ZNF670: variants seen among roughly 807,000 people sequenced by gnomAD.
ZNF670 encodes the protein zinc finger protein 670.
ZNF670 carries 7 observed loss-of-function variants against 10.9 expected under a neutral mutation model. The ratio of observed to expected loss-of-function variants is 0.64; its 90% CI spans 0.36 to 1.20. The LOEUF is 1.20. Among genes scored for constraint, ZNF670 ranks in the 50% most tolerant of loss-of-function variants. The probability of loss-of-function intolerance (pLI) is 0.02; values close to 1 mark genes in which losing one functional copy is unlikely to be tolerated. For synonymous variants in ZNF670, 136 were observed against 152.7 expected (o/e 0.89, Z 0.81); for missense variants, 446 against 458.6 (o/e 0.97, Z 0.25).
chr1:247,074,621 G>A (rs1385876854), intron 1 of ZNF670, among the ~76,000 whole-genome samples: 1 of 152,080 alleles, frequency 6.6e-6, no homozygotes, highest in Non-Finnish European at 1.5e-5. Flanking sequence ...ATGGATGGTG[G>A]GGATAGTTTT....
chr1:247,058,325 A>G (rs1017783703), intron 1 of ZNF670, among the ~76,000 whole-genome samples: 4 of 152,242 alleles, frequency 2.6e-5, no homozygotes, highest in Admixed American at 2.6e-4. Flanking sequence ...AATACTTCAA[A>G]GGAAATTAAA....
intron 1 of ZNF670, among the ~76,000 whole-genome samples, chr1:247,072,298 G>A (rs1415730186): frequency 2.0e-5 from 3 of 148,958 alleles, no homozygotes; most frequent in South Asian, 2.1e-4. Context: ...CCACAGCTCC[G>A]CACTGCCATG....
intron 1 of ZNF670, among the ~76,000 whole-genome samples, chr1:247,047,771 T>C (rs1397334264): frequency 6.6e-6 from 1 of 152,194 alleles, no homozygotes; most frequent in East Asian, 1.9e-4. Context: ...TGCCAAGACT[T>C]GGGGCTTGAA....
chr1:247,063,482 C>G (rs1370050403), intron 1 of ZNF670, among the ~76,000 whole-genome samples: 2 of 148,784 alleles, frequency 1.3e-5, no homozygotes, highest in Non-Finnish European at 3.0e-5. Context: ...ACTTGGGAGG[C>G]TGAGGCAGGA....
Position 247,039,961 on chromosome 1 carries a change from A to G in ZNF670, c.4-424T>C, listed in dbSNP as rs552976747. Among the ~76,000 whole-genome samples the G allele has an allele frequency of 5.3e-5, 8 of 152,344 alleles. No homozygotes were observed. In the East Asian group the frequency reaches 1.3e-3, roughly 26 times the overall value. ...AAGTCTGACCTTTTGGTGTGAGAAA[A>G]TAGATTTTTTTGACGGATCTCATCA... On this transcript the variant is annotated intron_variant, in intron 1 of 3. Transcript: ENST00000366503.
intron 1 of ZNF670, among the ~76,000 whole-genome samples, chr1:247,061,395 C>G (rs1237520353): frequency 1.3e-5 from 2 of 151,966 alleles, no homozygotes; most frequent in African/African-American, 4.8e-5. Flanking sequence ...CTTGGCCAGG[C>G]TAGTCTTGAA....
rs940517715 is a variant in ZNF670 at position 247,035,563 on chromosome 1, C to G, written c.*1886G>C. ...TATAATGCCATAATCCTGTAATATA[C>G]AATTTATTGTAGTGCTAATTACACA... On this transcript the variant is annotated 3_prime_UTR_variant, in exon 4 of 4. Coordinates refer to ENST00000366503, the MANE Select transcript of ZNF670 (RefSeq NM_033213.5). Among the ~76,000 whole-genome samples, 1 of 152,102 alleles carries G rather than the reference C, an allele frequency of 6.6e-6. No homozygotes were observed. Among genetic ancestry groups the G allele is most frequent in the Non-Finnish European group, 1.5e-5 (1 of 68,026 alleles).
chr1:247,059,754 T>G (rs1045790259), intron 1 of ZNF670, among the ~76,000 whole-genome samples: 1 of 152,170 alleles, frequency 6.6e-6, no homozygotes, highest in African/African-American at 2.4e-5. Flanking sequence ...TGACTGTCTA[T>G]GTACAAAATC....
intron 1 of ZNF670, among the ~76,000 whole-genome samples, chr1:247,072,774 C>G (rs185138444): frequency 2.7e-5 from 3 of 111,132 alleles, no homozygotes; most frequent in Non-Finnish European, 3.6e-5. Flanking sequence ...GCGACAAGAA[C>G]GAAACTCTGT....
intron 1 of ZNF670, among the ~76,000 whole-genome samples, chr1:247,056,246 G>C (rs536386838): frequency 6.6e-6 from 1 of 152,160 alleles, no homozygotes; most frequent in Admixed American, 6.5e-5. Context: ...ATCAGAACAT[G>C]AATCATTCTC....
intron 1 of ZNF670, among the ~76,000 whole-genome samples, chr1:247,046,816 A>G (rs1359555916): frequency 6.6e-6 from 1 of 152,212 alleles, no homozygotes; most frequent in Admixed American, 6.5e-5. Context: ...TGACTCTAGT[A>G]TGTCAGAAGT....
intron 1 of ZNF670, among the ~76,000 whole-genome samples, chr1:247,063,577 C>CAAAAA (rs5782410): frequency 2.1e-5 from 2 of 93,246 alleles, no homozygotes; most frequent in Non-Finnish European, 4.2e-5. Flanking sequence ...AGCGAGACAC[C>CAAAAA]AAAAAAAAAA....
intron 1 of ZNF670, among the ~76,000 whole-genome samples, chr1:247,042,009 G>A (rs1292014200): frequency 6.6e-6 from 1 of 152,140 alleles, no homozygotes. Flanking sequence ...ATGACTGTAG[G>A]AGGCCCAGTT....
chr1:247,075,674 C>T lies in ZNF670; in HGVS notation c.3+2920G>A, dbSNP rs185489136. ...TCTGCCTGCAGCCATCCGCGTAAGA[C>T]GTGACTTGCTCCTTGTTGCCTTCCG... On this transcript the variant is annotated intron_variant, in intron 1 of 3. Transcript: ENST00000366503. Among the ~76,000 whole-genome samples, 410 of 152,322 alleles carry T rather than the reference C, an allele frequency of 2.7e-3. 1 individual carries two copies. Among genetic ancestry groups the T allele is most frequent in the Non-Finnish European group, 4.7e-3 (323 of 68,036 alleles).
Position 247,038,316 on chromosome 1 carries a change from C to T in ZNF670, c.303G>A (p.Lys101=), listed in dbSNP as rs572419641. The change falls in exon 4 of 4, where the codon AAG becomes AAA. Residue 101 remains lysine, a synonymous_variant. Transcript: ENST00000366503. ...TTCCACACACACTGCATTCACATGG[C>T]TTTACTCCAGTAGAAACTTTCTTAT... is the stretch of plus-strand genomic sequence containing the variant. ...NLNKKVSTGV[K]PCECSVCGKV... 2 of 1,614,188 alleles carry T rather than the reference C, an allele frequency of 1.2e-6. No individual in the cohort carries two copies. Among genetic ancestry groups the T allele is most frequent in the African/African-American group, 2.7e-5 (2 of 75,056 alleles).
At chr1:247,057,592 T>C (rs1410524996) in intron 1 of ZNF670, among the ~76,000 whole-genome samples, 1 of 152,090 alleles carries the variant, frequency 6.6e-6, no homozygotes, top group African/African-American at 2.4e-5. Flanking sequence ...AAAGTGTCCA[T>C]CAACAGAAGA....
intron 1 of ZNF670, among the ~76,000 whole-genome samples, chr1:247,058,898 A>C (rs1036868507): frequency 2.0e-5 from 3 of 152,194 alleles, no homozygotes; most frequent in African/African-American, 7.2e-5. Flanking sequence ...TGTCCAAAAA[A>C]GGAAGGACAA....
chr1:247,045,367 G>A (rs867296889), intron 1 of ZNF670, among the ~76,000 whole-genome samples: 1 of 152,158 alleles, frequency 6.6e-6, no homozygotes, highest in African/African-American at 2.4e-5. Flanking sequence ...TCTGGGTCAT[G>A]GAGGCAGATA....
At position 247,035,262 on chromosome 1, in the gene ZNF670, C is replaced by A. The variant is rs1167663162; in HGVS notation, c.*2187G>T. Among the ~76,000 whole-genome samples the A allele has an allele frequency of 6.6e-6, 1 of 152,102 alleles. No individual in the cohort carries two copies. Among genetic ancestry groups the A allele is most frequent in the Non-Finnish European group, 1.5e-5 (1 of 68,012 alleles). On this transcript the variant is annotated 3_prime_UTR_variant, in exon 4 of 4. Transcript: ENST00000366503. ...AGACTACTGGGAAAAACACGTGACACCCATGAGTGTACAGATAAGATTGAG... is the reference window on the plus strand; with the variant it reads ...AGACTACTGGGAAAAACACGTGACAACCATGAGTGTACAGATAAGATTGAG...
Sources: gnomAD v4.1 joint callset for allele counts (sites outside exome capture counted in the v4.1 genomes callset) on GRCh38, gnomAD v4.1.1 for gene constraint, MANE v1.5 for transcripts, NCBI Gene and HGNC (gene_info 2026-07-23, HGNC 2026-07-21) for gene names.